SEL1L2: variants seen among roughly 807,000 people sequenced by gnomAD.
The protein encoded by SEL1L2 is SEL1L2 adaptor subunit of SYVN1 ubiquitin ligase.
In SEL1L2, 89 loss-of-function variants were observed where a neutral mutation model predicts 98.8. That is an observed-to-expected ratio of 0.90 (90% CI 0.76 to 1.07). The LOEUF (loss-of-function observed/expected upper bound fraction) is 1.07. SEL1L2 is among the 50% of genes least tolerant of loss of function. SEL1L2 has a pLI of 0.00. For missense variants in SEL1L2, 788 were observed against 812.0 expected (o/e 0.97, Z 0.36); for synonymous variants, 262 against 278.5 (o/e 0.94, Z 0.59).
intron 2 of SEL1L2, among the ~76,000 whole-genome samples, chr20:13,947,580 T>C (rs6042447): frequency 0.97 from 146,905 of 152,206 alleles, 71,009 homozygotes; most frequent in East Asian, 1. Context: ...AATGGTGGAA[T>C]TGAAAGAGCT....
intron 2 of SEL1L2, among the ~76,000 whole-genome samples, chr20:13,934,956 C>T (rs1352397281): frequency 2.0e-5 from 3 of 152,062 alleles, no homozygotes; most frequent in Admixed American, 6.6e-5. Flanking sequence ...TGATAAGCAT[C>T]CTGCACTCTC....
chr20:13,869,581 C>T lies in SEL1L2; in HGVS notation c.1177G>A (p.Glu393Lys), dbSNP rs958370317. The T allele has an allele frequency of 6.8e-6, 11 of 1,613,632 alleles. No individual in the cohort carries two copies. The highest frequency in any genetic ancestry group is 1.7e-5 in the Admixed American group (1 of 59,998). The change falls in exon 14 of 20, where the codon GAA becomes AAA. Residue 393 changes from glutamate (E) to lysine (K), a missense_variant. Transcript: ENST00000284951. Reference protein sequence around the residue: ...HGKGVPLNYAEALKYFQKAAE... With the variant: ...HGKGVPLNYAKALKYFQKAAE... Reference sequence around the variant, plus strand: ...GCTTTCTGAAAGTATTTAAGTGCTTCGGCATAATTCTGCAAGATAATTACA... The same window carrying T: ...GCTTTCTGAAAGTATTTAAGTGCTTTGGCATAATTCTGCAAGATAATTACA...
Position 13,865,421 on chromosome 20 carries a change from C to A in SEL1L2, c.1498G>T (p.Val500Phe), listed in dbSNP as rs373867193. Residue 500 changes from valine (V) to phenylalanine (F), a missense_variant, in exon 16 of 20, where the codon GTT (valine) becomes TTT (phenylalanine). Coordinates refer to ENST00000284951, the MANE Select transcript of SEL1L2 (RefSeq NM_025229.2). ...YKDGDIDSSL[V>F]QYALLAEMGY... Reference sequence around the variant, plus strand: ...ATTTCTGCAAGCAGTGCATACTGAACAAGAGAAGAATCTATATCACCATCC... The same window carrying A: ...ATTTCTGCAAGCAGTGCATACTGAAAAAGAGAAGAATCTATATCACCATCC... The A allele has an allele frequency of 5.6e-6, 9 of 1,613,926 alleles. No individual in the cohort carries two copies. The highest frequency in any genetic ancestry group is 2.7e-5 in the African/African-American group (2 of 74,880).
At chr20:13,932,564 T>G (rs1218023404) in intron 2 of SEL1L2, among the ~76,000 whole-genome samples, 1 of 151,992 alleles carries the variant, frequency 6.6e-6, no homozygotes, top group African/African-American at 2.4e-5. Flanking sequence ...CCCGAGTAAC[T>G]GGGACTACAG....
At chr20:13,859,992 C>A (rs1989839553) in intron 17 of SEL1L2, among the ~76,000 whole-genome samples, 1 of 152,256 alleles carries the variant, frequency 6.6e-6, no homozygotes, top group South Asian at 2.1e-4. Flanking sequence ...GCGTGAGCCT[C>A]CGCGCCCGGC....
intron 9 of SEL1L2, among the ~76,000 whole-genome samples, chr20:13,885,854 T>C (rs2046926498): frequency 1.3e-5 from 2 of 151,976 alleles, no homozygotes; most frequent in African/African-American, 4.8e-5. Flanking sequence ...GCTAACATGG[T>C]GAAACCCTGT....
intron 5 of SEL1L2, among the ~76,000 whole-genome samples, chr20:13,897,435 A>C (rs2047470096): frequency 6.6e-6 from 1 of 152,234 alleles, no homozygotes; most frequent in South Asian, 2.1e-4. Flanking sequence ...AAAAGTAGGA[A>C]AGGAAACAAT....
At chr20:13,984,962 C>T (rs939798333) in intron 1 of SEL1L2, among the ~76,000 whole-genome samples, 1 of 152,136 alleles carries the variant, frequency 6.6e-6, no homozygotes, top group South Asian at 2.1e-4. Context: ...CATTCAAAAT[C>T]TGCTCTTCTA....
intron 2 of SEL1L2, among the ~76,000 whole-genome samples, chr20:13,949,701 A>C (rs2050179538): frequency 7.1e-6 from 1 of 140,434 alleles, no homozygotes; most frequent in Non-Finnish European, 1.5e-5. Context: ...AAAAAACCAA[A>C]CAAACAAAAA....
At chr20:13,885,229 T>C (rs2046894198) in intron 10 of SEL1L2, 118 bp downstream of exon 10, 5 of 720,022 alleles carry the variant, frequency 6.9e-6, no homozygotes, top group Non-Finnish European at 1.3e-5. Context: ...CAAGGAAGCA[T>C]CAGTGGGCTT....
intron 10 of SEL1L2, 102 bp from the exon 11 acceptor site, chr20:13,877,690 T>C (rs1365603844): frequency 3.4e-6 from 3 of 883,080 alleles, no homozygotes; most frequent in Non-Finnish European, 1.8e-6. Flanking sequence ...AAAATATCTA[T>C]GGTGCTTGCC....
intron 1 of SEL1L2, among the ~76,000 whole-genome samples, chr20:13,959,567 G>T (rs2050691185): frequency 6.6e-6 from 1 of 152,160 alleles, no homozygotes; most frequent in Non-Finnish European, 1.5e-5. Context: ...AACGAATTAG[G>T]CTTTGAAGTT....
In SEL1L2 at chr20:13,913,762, C is replaced by A. The variant is rs895908487; in HGVS notation, c.549+20G>T. ...TTCAGGATGGAGCTATTTAAGGTTT[C>A]ATTTTCCTTCAAAACTCACGTTTTG... is the stretch of plus-strand genomic sequence containing the variant. On this transcript the variant is annotated intron_variant, in intron 5 of 19. Coordinates refer to ENST00000284951, the MANE Select transcript of SEL1L2 (RefSeq NM_025229.2). 55 of 1,503,274 alleles carry A rather than the reference C, an allele frequency of 3.7e-5. No individual in the cohort carries two copies. Among genetic ancestry groups the A allele is most frequent in the Non-Finnish European group, 4.7e-5 (53 of 1,135,742 alleles). The allele number at this position is 1,503,274 out of a possible 1,614,324, so 93.1% of individuals were successfully genotyped here. A position where few individuals can be genotyped will look rare whatever the true frequency, so the allele number is the denominator to read the frequency against.
intron 17 of SEL1L2, 46 bp from the exon 18 acceptor site, chr20:13,859,480 A>G (rs1989734927): frequency 4.7e-6 from 7 of 1,487,604 alleles, no homozygotes; most frequent in Non-Finnish European, 6.5e-6. Context: ...CAAATGATTC[A>G]TGTATAGTTC....
chr20:13,877,885 G>T (rs1319819015), intron 10 of SEL1L2, among the ~76,000 whole-genome samples: 1 of 152,148 alleles, frequency 6.6e-6, no homozygotes, highest in Non-Finnish European at 1.5e-5. Flanking sequence ...GCTTTGTAGG[G>T]TGAGATGAAT....
In SEL1L2 at chr20:13,892,771, A is replaced by T. The variant is rs1370234262; in HGVS notation, c.550-4259T>A. Among the ~76,000 whole-genome samples, 3 of 152,232 alleles carry T rather than the reference A, an allele frequency of 2.0e-5. No homozygotes were observed. In the East Asian group the frequency reaches 5.8e-4, roughly 29 times the overall value. On this transcript the variant is annotated intron_variant, in intron 5 of 19. Transcript: ENST00000284951. Reference sequence around the variant, plus strand: ...GAATAAGAAAACAAGTTTCAGGTATACACTGTCTATAGGAGATTCACATTA... The same window carrying T: ...GAATAAGAAAACAAGTTTCAGGTATTCACTGTCTATAGGAGATTCACATTA...
intron 1 of SEL1L2, among the ~76,000 whole-genome samples, chr20:13,962,208 T>A (rs2050811899): frequency 6.6e-6 from 1 of 152,190 alleles, no homozygotes; most frequent in Non-Finnish European, 1.5e-5. Context: ...CTCCTTGTAT[T>A]CACATCGCTT....
chr20:13,936,910 G>T (rs2049481352), intron 2 of SEL1L2, among the ~76,000 whole-genome samples: 1 of 152,132 alleles, frequency 6.6e-6, no homozygotes, highest in Non-Finnish European at 1.5e-5. Flanking sequence ...AGGAAGAGCA[G>T]GATAAAATCA....
At chr20:13,896,267 C>T (rs2047419481) in intron 5 of SEL1L2, among the ~76,000 whole-genome samples, 1 of 152,060 alleles carries the variant, frequency 6.6e-6, no homozygotes, top group Admixed American at 6.6e-5. Flanking sequence ...GTCAAGATAT[C>T]AAGACCATCC....
Sources: gnomAD v4.1 joint callset for allele counts (sites outside exome capture counted in the v4.1 genomes callset) on GRCh38, gnomAD v4.1.1 for gene constraint, MANE v1.5 for transcripts, NCBI Gene and HGNC (gene_info 2026-07-23, HGNC 2026-07-21) for gene names.